PALS2: variants seen among roughly 807,000 people sequenced by gnomAD.
PALS2 encodes the protein protein associated with LIN7 2, MAGUK p55 family member, also known as protein PALS2.
Under a neutral mutation model 61.6 loss-of-function variants are expected in PALS2, and 27 were observed. That is an observed-to-expected ratio of 0.44 (90% CI 0.32 to 0.60). The LOEUF (loss-of-function observed/expected upper bound fraction) is 0.60, where lower values mean the gene tolerates loss of function less well. Among genes scored for constraint, PALS2 ranks in the 20% least tolerant of loss-of-function variants. The probability of loss-of-function intolerance (pLI) is 0.05; values close to 1 mark genes in which losing one functional copy is unlikely to be tolerated. For synonymous variants in PALS2, 236 were observed against 218.6 expected, an observed-to-expected ratio of 1.08 and a Z score of -0.70; for missense variants, 554 against 639.4, an observed-to-expected ratio of 0.87 and a Z score of 1.44.
intron 1 of PALS2, among the ~76,000 whole-genome samples, chr7:24,586,305 A>G (rs918966301): frequency 2.0e-5 from 3 of 152,220 alleles, no homozygotes; most frequent in Admixed American, 2.0e-4. Context: ...ATTCAGAAGA[A>G]GAAATGTTCA....
Position 24,596,555 on chromosome 7 carries a change from A to T in PALS2, c.-3+22962A>T, listed in dbSNP as rs140958251. Among the ~76,000 whole-genome samples, 1 of 152,248 alleles carries T rather than the reference A, an allele frequency of 6.6e-6. No homozygotes were observed. The highest frequency in any genetic ancestry group is 1.5e-5 in the Non-Finnish European group (1 of 67,998). ...TGTAAAACATTTTCAAACAATTTTGATTCATTATACTACATATTTTCTTGT... is the reference window on the plus strand; with the variant it reads ...TGTAAAACATTTTCAAACAATTTTGTTTCATTATACTACATATTTTCTTGT... On this transcript the variant is annotated intron_variant, in intron 1 of 11. Coordinates refer to ENST00000222644, the MANE Select transcript of PALS2 (RefSeq NM_001303037.2). This position sits in a 1 kb window ranked among gnomAD's most constrained non-coding sequence, Gnocchi z 4.5.
intron 3 of PALS2, among the ~76,000 whole-genome samples, chr7:24,647,702 A>G (rs1357785888): frequency 6.6e-6 from 1 of 152,142 alleles, no homozygotes; most frequent in African/African-American, 2.4e-5. Flanking sequence ...CCTTTTACTA[A>G]GTTTCAAAGT....
intron 5 of PALS2, among the ~76,000 whole-genome samples, chr7:24,656,466 C>T (rs541803000): frequency 6.6e-6 from 1 of 152,100 alleles, no homozygotes; most frequent in South Asian, 2.1e-4. Context: ...ATAATATACC[C>T]ATGAAGTCAA....
At chr7:24,604,546 AAGAG>A (rs1011571479) in intron 1 of PALS2, among the ~76,000 whole-genome samples, 1 of 152,202 alleles carries the variant, frequency 6.6e-6, no homozygotes, top group Non-Finnish European at 1.5e-5. Flanking sequence ...ACAGAAAGGA[AAGAG>A]AGAGACAGAA....
chr7:24,606,288 A>G (rs1583863670), intron 1 of PALS2, among the ~76,000 whole-genome samples: 2 of 152,164 alleles, frequency 1.3e-5, no homozygotes, highest in Non-Finnish European at 1.5e-5. Flanking sequence ...TACAACCTTC[A>G]TAGATTGTAA....
chr7:24,612,379 T>C (rs988188495), intron 1 of PALS2, among the ~76,000 whole-genome samples: 4 of 151,924 alleles, frequency 2.6e-5, no homozygotes, highest in Non-Finnish European at 5.9e-5. Flanking sequence ...TTGACATTTA[T>C]GCTTTCCTAA....
At chr7:24,641,959 G>T in intron 3 of PALS2, 91 bp downstream of exon 3, 2 of 1,368,050 alleles carry the variant, frequency 1.5e-6, no homozygotes, top group Non-Finnish European at 1.0e-6. Context: ...TTTCTTCAAA[G>T]ATTATTTAGG....
At chr7:24,629,909 A>G (rs1784922670) in intron 2 of PALS2, among the ~76,000 whole-genome samples, 2 of 152,228 alleles carry the variant, frequency 1.3e-5, no homozygotes, top group South Asian at 4.1e-4. Context: ...GCATTGTGGA[A>G]GACAGTGTGG....
At chr7:24,670,948 GTTTTA>G (rs769886746) in intron 9 of PALS2, among the ~76,000 whole-genome samples, 31 of 152,198 alleles carry the variant, frequency 2.0e-4, no homozygotes, top group African/African-American at 6.7e-4. Context: ...CATTTGGACT[GTTTTA>G]TTTTTAGCTA....
intron 5 of PALS2, 153 bp from the exon 6 acceptor site, chr7:24,663,437 A>G: frequency 9.2e-6 from 6 of 655,538 alleles, no homozygotes; most frequent in Non-Finnish European, 1.4e-5. Context: ...ATATTCTAAT[A>G]ACTTGATTTC....
At chr7:24,665,360 C>T (rs1786959144) in intron 6 of PALS2, among the ~76,000 whole-genome samples, 1 of 152,058 alleles carries the variant, frequency 6.6e-6, no homozygotes, top group Admixed American at 6.6e-5. Flanking sequence ...GTATTTTGGT[C>T]CCCACATTTC....
chr7:24,681,607 C>G (rs954041722), intron 11 of PALS2, among the ~76,000 whole-genome samples: 1 of 151,158 alleles, frequency 6.6e-6, no homozygotes, highest in Non-Finnish European at 1.5e-5. Context: ...CTCATTGTCA[C>G]CTAAATCTTT....
At position 24,607,462 on chromosome 7, in the gene PALS2, ATC is replaced by A. The variant is rs149774477; in HGVS notation, c.-2-16186_-2-16185del. Among the ~76,000 whole-genome samples, 588 of 147,668 alleles carry A rather than the reference ATC, an allele frequency of 4.0e-3. 1 individual carries two copies. Among genetic ancestry groups the A allele is most frequent in the Middle Eastern group, 0.011 (3 of 282 alleles). Reference sequence around the variant, plus strand: ...AGTGTTTACTTGCTAATGTATGTGTATCTCTCTCTCTCTCTCTCTGAACACAC... The same window carrying A: ...AGTGTTTACTTGCTAATGTATGTGTATCTCTCTCTCTCTCTCTGAACACAC... On this transcript the variant is annotated intron_variant, in intron 1 of 11. Transcript: ENST00000222644.
At chr7:24,592,241 A>G (rs945661109) in intron 1 of PALS2, among the ~76,000 whole-genome samples, 15 of 152,148 alleles carry the variant, frequency 9.9e-5, no homozygotes, top group African/African-American at 3.4e-4. Flanking sequence ...TGTACTGTAT[A>G]ATGTGGTAAG....
intron 11 of PALS2, among the ~76,000 whole-genome samples, chr7:24,682,788 AAAT>A (rs1229794042): frequency 2.6e-5 from 4 of 151,804 alleles, no homozygotes; most frequent in Admixed American, 6.6e-5. Context: ...TTAGTTGTTA[AAAT>A]AATAATAATA....
chr7:24,636,799 G>A (rs573346644), intron 2 of PALS2, among the ~76,000 whole-genome samples: 17 of 151,108 alleles, frequency 1.1e-4, no homozygotes, highest in African/African-American at 2.4e-4. Context: ...GAAGTCCTTC[G>A]TAAGTAGGGA....
intron 1 of PALS2, among the ~76,000 whole-genome samples, chr7:24,604,247 A>G (rs923082688): frequency 6.6e-6 from 1 of 151,560 alleles, no homozygotes; most frequent in African/African-American, 2.4e-5. Context: ...AGGAAAAAAG[A>G]AAAATATGTG....
At position 24,668,570 on chromosome 7, in the gene PALS2, G is replaced by A. The variant is rs1361077616; in HGVS notation, c.1024G>A (p.Val342Ile). 1.2e-6 allele frequency: 2 copies of A among 1,613,816 alleles called. No homozygotes were observed. The highest frequency in any genetic ancestry group is 2.2e-5 in the East Asian group (1 of 44,854). The change falls in exon 9 of 12, where the codon GTA becomes ATA. Residue 342 changes from valine to isoleucine, a missense_variant. Coordinates refer to ENST00000222644, the MANE Select transcript of PALS2 (RefSeq NM_001303037.2). ...GCCTCCCTTCCAGAGAAAAACATTA[G>A]TATTGATAGGAGCTCAAGGTGTAGG... is the stretch of plus-strand genomic sequence containing the variant. ...KMPPFQRKTLVLIGAQGVGRR... is the reference protein window; with the variant it reads ...KMPPFQRKTLILIGAQGVGRR...
intron 3 of PALS2, among the ~76,000 whole-genome samples, chr7:24,644,059 TTAA>T (rs1288507758): frequency 6.6e-6 from 1 of 151,976 alleles, no homozygotes; most frequent in African/African-American, 2.4e-5. Context: ...TGAACACAAG[TTAA>T]TAATCCTTGC....
Sources: gnomAD v4.1 joint callset for allele counts (sites outside exome capture counted in the v4.1 genomes callset) on GRCh38, gnomAD v4.1.1 for gene constraint, Gnocchi (gnomAD v3.1) non-coding constraint, MANE v1.5 for transcripts, NCBI Gene and HGNC (gene_info 2026-07-23, HGNC 2026-07-21) for gene names.